The following TRAPPC10 variants were observed in gnomAD, a reference collection of about 807,000 sequenced individuals.
The protein encoded by TRAPPC10 is trafficking protein particle complex subunit 10.
TRAPPC10 carries 23 observed loss-of-function variants against 125.5 expected under a neutral mutation model. The observed-to-expected ratio is 0.18, with a 90% confidence interval of 0.13 to 0.26. TRAPPC10 has a LOEUF of 0.26. TRAPPC10 is among the 10% of genes least tolerant of loss of function. The probability of loss-of-function intolerance (pLI) is 1.00; values close to 1 mark genes in which losing one functional copy is unlikely to be tolerated. For synonymous variants in TRAPPC10, 509 were observed against 518.0 expected (o/e 0.98, Z 0.24); for missense variants, 1,123 against 1,308.4 (o/e 0.86, Z 2.19).
intron 3 of TRAPPC10, 84 bp downstream of exon 3, chr21:44,038,011 A>G (rs962686457): frequency 3.9e-4 from 605 of 1,537,376 alleles, no homozygotes; most frequent in Non-Finnish European, 6.7e-5. Context: ...CAGTGGGGGA[A>G]GAGGACGCGT....
intron 6 of TRAPPC10, among the ~76,000 whole-genome samples, chr21:44,061,711 T>G (rs1239839653): frequency 6.6e-6 from 1 of 152,192 alleles, no homozygotes; most frequent in East Asian, 1.9e-4. Context: ...AATAGAATAA[T>G]TCTCAGTCTT....
At chr21:44,094,029 C>T (rs771234907) in intron 19 of TRAPPC10, 34 bp from the exon 20 acceptor site, 2 of 1,598,030 alleles carry the variant, frequency 1.3e-6, no homozygotes, top group South Asian at 2.2e-5. Context: ...GGTTATGGTG[C>T]TGTGTGAGCA....
At position 44,061,588 on chromosome 21, in the gene TRAPPC10, AT is replaced by A. The variant is rs199870253; in HGVS notation, c.791-1943del. On this transcript the variant is annotated intron_variant, in intron 6 of 22. Coordinates refer to ENST00000291574, the MANE Select transcript of TRAPPC10 (RefSeq NM_003274.5). ...GGCCTGTATTTTTTAAATATCTTAC[AT>A]TTTTTTAAAAAATAGATTTATTTAG... 2.6e-3 allele frequency among the ~76,000 whole-genome samples: 399 copies of A among 152,258 alleles called. 1 individual carries two copies. The highest frequency in any genetic ancestry group is 9.4e-3 in the African/African-American group (390 of 41,544).
At chr21:44,076,801 A>C (rs934675609) in intron 10 of TRAPPC10, among the ~76,000 whole-genome samples, 173 bp downstream of exon 10, 1 of 152,120 alleles carries the variant, frequency 6.6e-6, no homozygotes, top group Non-Finnish European at 1.5e-5. Context: ...GTAGTTCATC[A>C]AATGTGTATT....
intron 1 of TRAPPC10, among the ~76,000 whole-genome samples, chr21:44,015,426 TA>T (rs893926979): frequency 2.6e-5 from 4 of 152,084 alleles, no homozygotes; most frequent in Non-Finnish European, 4.4e-5. Context: ...TTATTATTAT[TA>T]TTTTTTTAGA....
chr21:44,083,486 C>T (rs904926869), intron 14 of TRAPPC10, among the ~76,000 whole-genome samples, 184 bp downstream of exon 14: 1 of 152,208 alleles, frequency 6.6e-6, no homozygotes, highest in Non-Finnish European at 1.5e-5. Context: ...AATTTTCTGA[C>T]ATTTGATAAA....
At chr21:44,072,535 C>G (rs2036954491) in intron 7 of TRAPPC10, among the ~76,000 whole-genome samples, 2 of 152,338 alleles carry the variant, frequency 1.3e-5, no homozygotes, top group African/African-American at 2.4e-5. Context: ...ATGATCTTGG[C>G]TCACCGCAAC....
intron 7 of TRAPPC10, among the ~76,000 whole-genome samples, chr21:44,070,597 G>A (rs2036792572): frequency 6.6e-6 from 1 of 152,230 alleles, no homozygotes; most frequent in Non-Finnish European, 1.5e-5. Context: ...TGGCTGAGGT[G>A]CCCATTTTCT....
chr21:44,037,766 C>G (rs2034096148), intron 2 of TRAPPC10, 26 bp from the exon 3 acceptor site: 1 of 1,602,844 alleles, frequency 6.2e-7, no homozygotes, highest in South Asian at 1.1e-5. Flanking sequence ...GTTGTTTTCT[C>G]AGTGACTTCA....
chr21:44,080,508 A>G (rs558362366), intron 13 of TRAPPC10, among the ~76,000 whole-genome samples: 69 of 152,076 alleles, frequency 4.5e-4, no homozygotes, highest in Non-Finnish European at 8.1e-4. Flanking sequence ...CTTTTAATGT[A>G]AAAAAAGTTC....
At chr21:44,078,920 T>C (rs2037476454) in intron 11 of TRAPPC10, among the ~76,000 whole-genome samples, 1 of 152,190 alleles carries the variant, frequency 6.6e-6, no homozygotes, top group Non-Finnish European at 1.5e-5. Flanking sequence ...TATTCCAGCC[T>C]GAGTGACAGA....
intron 1 of TRAPPC10, among the ~76,000 whole-genome samples, chr21:44,027,002 G>T (rs1002608337): frequency 1.3e-5 from 2 of 152,176 alleles, no homozygotes; most frequent in African/African-American, 4.8e-5. Flanking sequence ...CCATTAGGTG[G>T]CCGAGGACAG....
intron 7 of TRAPPC10, among the ~76,000 whole-genome samples, chr21:44,064,467 C>T (rs565402977): frequency 6.6e-6 from 1 of 152,262 alleles, no homozygotes; most frequent in South Asian, 2.1e-4. Context: ...CGTATCTAGT[C>T]TGGTGATTCT....
At chr21:44,040,686 A>G (rs1569158337) in intron 3 of TRAPPC10, among the ~76,000 whole-genome samples, 1 of 150,232 alleles carries the variant, frequency 6.7e-6, no homozygotes, top group Non-Finnish European at 1.5e-5. Context: ...CAGTGGTGCG[A>G]TCTTGGTTCA....
intron 3 of TRAPPC10, among the ~76,000 whole-genome samples, chr21:44,042,655 T>G (rs978144880): frequency 6.6e-6 from 1 of 152,212 alleles, no homozygotes; most frequent in African/African-American, 2.4e-5. Context: ...ACTGCTTGTG[T>G]TGTTTAGGTC....
chr21:44,064,078 G>A (rs1005152485), intron 7 of TRAPPC10, among the ~76,000 whole-genome samples: 1 of 152,196 alleles, frequency 6.6e-6, no homozygotes, highest in African/African-American at 2.4e-5. Flanking sequence ...TGCGTGAGCT[G>A]TCTCCACGGG....
At chr21:44,081,325 T>A (rs1319560011) in intron 13 of TRAPPC10, among the ~76,000 whole-genome samples, 1 of 151,850 alleles carries the variant, frequency 6.6e-6, no homozygotes, top group Admixed American at 6.6e-5. Context: ...CATGCCTGGC[T>A]AATTTTTGTA....
In TRAPPC10 at chr21:44,049,889, G is replaced by GT. The variant is rs533873331; in HGVS notation, c.286-2383dup. Among the ~76,000 whole-genome samples the GT allele has an allele frequency of 7.7e-3, 882 of 114,098 alleles. 4 individuals are homozygous for GT. The highest frequency in any genetic ancestry group is 0.033 in the African/African-American group (742 of 22,460). The allele number at this position is 114,098 out of a possible 152,430, so 74.9% of individuals were successfully genotyped here. ...TGTTTTCTTTCTTTCTTTTTTTTTT[G>GT]TTTTTTTTGAGATGGAGTCTCACTC... On this transcript the variant is annotated intron_variant, in intron 3 of 22. Coordinates refer to ENST00000291574, the MANE Select transcript of TRAPPC10 (RefSeq NM_003274.5).
In TRAPPC10 at chr21:44,087,659, G is replaced by T. The variant is rs778865166; in HGVS notation, c.2540-40G>T. 1 of 1,576,558 alleles carries T rather than the reference G, an allele frequency of 6.3e-7. No homozygotes were observed. Among genetic ancestry groups the T allele is most frequent in the Non-Finnish European group, 8.7e-7 (1 of 1,153,236 alleles). ...TGTAAGGAAAAGGACAAGTGAAACC[G>T]AGGGAACAGCTTTGAAGTGACTTTT... On this transcript the variant is annotated intron_variant, in intron 16 of 22. Coordinates refer to ENST00000291574, the MANE Select transcript of TRAPPC10 (RefSeq NM_003274.5). The surrounding 1 kb of genome is among the most constrained non-coding windows in gnomAD (Gnocchi z 4.6).
Sources: allele counts gnomAD v4.1 joint callset (sites outside exome capture counted in the v4.1 genomes callset), GRCh38; gene constraint gnomAD v4.1.1; non-coding constraint Gnocchi (gnomAD v3.1); transcripts MANE v1.5; gene names NCBI Gene and HGNC (gene_info 2026-07-23, HGNC 2026-07-21).